Variants in ESYT2 observed in about 807,000 individuals in gnomAD.
ESYT2 encodes the protein extended synaptotagmin 2.
ESYT2 carries 54 observed loss-of-function variants against 107.2 expected under a neutral mutation model. The ratio of observed to expected loss-of-function variants is 0.50; its 90% CI spans 0.40 to 0.63. The LOEUF is 0.63. Ranked by LOEUF, ESYT2 falls within the 30% of genes least tolerant of loss-of-function variation. The pLI is 0.00. For missense variants in ESYT2, 1,020 were observed against 1,094.5 expected, an observed-to-expected ratio of 0.93 and a Z score of 0.96; for synonymous variants, 491 against 434.1, an observed-to-expected ratio of 1.13 and a Z score of -1.63.
rs141076689 is a variant in ESYT2 at position 158,749,689 on chromosome 7, A to G, written c.1517T>C (p.Val506Ala). The change falls in exon 15 of 23, where the codon GTT (valine) becomes GCT (alanine). Residue 506 changes from valine (V) to alanine (A), a missense_variant. By Grantham distance (64) the Val-to-Ala change is moderately conservative. Coordinates refer to ENST00000275418, the MANE Select transcript of ESYT2 (RefSeq NM_001367773.1). Reference sequence around the variant, plus strand: ...CTTGTGCCCAACTGACATCTGGACAACAGGATTTGGGTTGCTGCTTATTTT... The same window carrying G: ...CTTGTGCCCAACTGACATCTGGACAGCAGGATTTGGGTTGCTGCTTATTTT... Reference protein sequence around the residue: ...GKKISSNPNPVVQMSVGHKAQ... With the variant: ...GKKISSNPNPAVQMSVGHKAQ... The G allele has an allele frequency of 4.3e-6, 7 of 1,614,000 alleles. No homozygotes were observed. The highest frequency in any genetic ancestry group is 5.9e-6 in the Non-Finnish European group (7 of 1,180,008).
At position 158,772,995 on chromosome 7, in the gene ESYT2, A is replaced by T. The variant is rs145807899; in HGVS notation, c.803+346T>A. Among the ~76,000 whole-genome samples the T allele has an allele frequency of 7.9e-3, 1,154 of 145,386 alleles. 18 individuals are homozygous for T. Among genetic ancestry groups the T allele is most frequent in the African/African-American group, 0.029 (1,088 of 37,666 alleles). ...TTCCTTTATTGTTTCTGAGAAGATT[A>T]AAAAAAAAAATTTGCAAACTGTTTT... is the stretch of plus-strand genomic sequence containing the variant. On this transcript the variant is annotated intron_variant, in intron 7 of 22. Transcript: ENST00000275418.
intron 10 of ESYT2, among the ~76,000 whole-genome samples, chr7:158,762,071 C>A (rs899075070): frequency 6.6e-6 from 1 of 152,042 alleles, no homozygotes; most frequent in East Asian, 1.9e-4. Flanking sequence ...GCCCGATGGA[C>A]GCCCTCACTC....
chr7:158,742,515 A>G (rs529468976), intron 17 of ESYT2, among the ~76,000 whole-genome samples: 1 of 152,348 alleles, frequency 6.6e-6, no homozygotes, highest in East Asian at 1.9e-4. Context: ...CGTATTCTAC[A>G]TAAGGGGTTT....
intron 1 of ESYT2, among the ~76,000 whole-genome samples, chr7:158,820,630 T>G (rs1300740098): frequency 6.6e-6 from 1 of 152,000 alleles, no homozygotes; most frequent in African/African-American, 2.4e-5. Flanking sequence ...ACAAAAAATT[T>G]TAAAAATTAG....
chr7:158,816,703 C>G (rs1840156593), intron 1 of ESYT2, among the ~76,000 whole-genome samples: 2 of 152,242 alleles, frequency 1.3e-5, no homozygotes, highest in African/African-American at 4.8e-5. Flanking sequence ...TGCTCCAGTA[C>G]TCACGTTGAC....
chr7:158,776,497 A>G (rs578177845), intron 6 of ESYT2, among the ~76,000 whole-genome samples: 1 of 152,324 alleles, frequency 6.6e-6, no homozygotes, highest in African/African-American at 2.4e-5. Context: ...TGTTATGGAG[A>G]TGGCTTCTTT....
Position 158,764,752 on chromosome 7 carries a change from A to T in ESYT2, c.1026T>A (p.Ile342=). The change falls in exon 9 of 23, where the codon ATT becomes ATA. Residue 342 remains isoleucine, a synonymous_variant. Transcript: ENST00000275418. ...TTTGGAAGATTTGGTTGCCAACTCT[A>T]ATGATTCCATAGGGGTCTGACTTTC... ...VKGKSDPYGI[I]RVGNQIFQSR... is the part of the protein sequence containing the mutation. The T allele has an allele frequency of 6.2e-7, 1 of 1,614,182 alleles. No individual in the cohort carries two copies. The highest frequency in any genetic ancestry group is 8.5e-7 in the Non-Finnish European group (1 of 1,180,034).
rs748806082 is a variant in ESYT2 at position 158,741,655 on chromosome 7, C to G, written c.2036G>C (p.Gly679Ala). The G allele has an allele frequency of 1.2e-6, 2 of 1,613,748 alleles. No homozygotes were observed. The highest frequency in any genetic ancestry group is 2.7e-5 in the African/African-American group (2 of 74,898). Residue 679 changes from glycine (G) to alanine (A), a missense_variant, in exon 18 of 23, where the codon GGC (glycine) becomes GCC (alanine). Physicochemically the swap from Gly to Ala is moderately conservative, Grantham distance 60. Transcript: ENST00000275418. ...EAGPQGLHDL[G>A]RSSSSLLASP... is the part of the protein sequence containing the mutation. ...GGCCAGGAGGCTGGAGGAGCTTCTGCCCAGGTCGTGCAGCCCCTGAGGGCC... is the reference window on the plus strand; with the variant it reads ...GGCCAGGAGGCTGGAGGAGCTTCTGGCCAGGTCGTGCAGCCCCTGAGGGCC...
intron 15 of ESYT2, among the ~76,000 whole-genome samples, chr7:158,748,508 T>C (rs1007376365): frequency 6.6e-6 from 1 of 152,190 alleles, no homozygotes; most frequent in Non-Finnish European, 1.5e-5. Flanking sequence ...CTAAAGCCTT[T>C]AGAGTTTGTC....
chr7:158,825,294 AAAAT>A (rs1214964888), intron 1 of ESYT2, among the ~76,000 whole-genome samples: 1 of 152,206 alleles, frequency 6.6e-6, no homozygotes, highest in South Asian at 2.1e-4. Context: ...CTCCGTCTCA[AAAAT>A]AAATAAATAA....
At chr7:158,782,380 A>G (rs1457590401) in intron 6 of ESYT2, among the ~76,000 whole-genome samples, 45 of 19,534 alleles carry the variant, frequency 2.3e-3, no homozygotes, top group Middle Eastern at 0.056. Context: ...GTGAGAACAA[A>G]GTGAGGTAAG....
Position 158,763,083 on chromosome 7 carries a change from C to T in ESYT2, c.1184G>A (p.Ser395Asn). Reference sequence around the variant, plus strand: ...AATAACCACAATGGGCTTTATTTACCTTCCTAAAAAGTCATCCTTGTCTGG... The same window carrying T: ...AATAACCACAATGGGCTTTATTTACTTTCCTAAAAAGTCATCCTTGTCTGG... ...EDPDKDDFLG[S>N]LMIDLIEVEK... The change falls in exon 10 of 23, where the codon AGT becomes AAT. Residue 395 changes from serine (S) to asparagine (N), a missense_variant and splice_region_variant. Transcript: ENST00000275418. 6.2e-7 allele frequency: 1 copy of T among 1,611,660 alleles called. No individual in the cohort carries two copies. Among genetic ancestry groups the T allele is most frequent in the Non-Finnish European group, 8.5e-7 (1 of 1,178,474 alleles).
At chr7:158,801,309 G>A (rs976351441) in intron 1 of ESYT2, among the ~76,000 whole-genome samples, 3 of 152,188 alleles carry the variant, frequency 2.0e-5, no homozygotes, top group Non-Finnish European at 4.4e-5. Context: ...AAATCGAGCC[G>A]TCTCTTAGTA....
intron 19 of ESYT2, 82 bp downstream of exon 19, chr7:158,738,941 C>A (rs1490232013): frequency 7.5e-7 from 1 of 1,332,228 alleles, no homozygotes; most frequent in East Asian, 2.3e-5. Context: ...GTTTGGAAAT[C>A]CTAAAGGCGG....
At chr7:158,769,345 C>G (rs953035487) in intron 7 of ESYT2, among the ~76,000 whole-genome samples, 2 of 152,212 alleles carry the variant, frequency 1.3e-5, no homozygotes, top group Non-Finnish European at 2.9e-5. Flanking sequence ...CACGCAGAGG[C>G]AGGACCCACC....
chr7:158,764,730 G>C lies in ESYT2; in HGVS notation c.1048C>G (p.Gln350Glu). 1 of 1,614,122 alleles carries C rather than the reference G, an allele frequency of 6.2e-7. No individual in the cohort carries two copies. Among genetic ancestry groups the C allele is most frequent in the South Asian group, 1.1e-5 (1 of 91,072 alleles). ...GIIRVGNQIF[Q>E]SRVIKENLSP... ...AGGTTCTCCTTGATGACTCTGCTTT[G>C]GAAGATTTGGTTGCCAACTCTAATG... is the stretch of plus-strand genomic sequence containing the variant. Residue 350 changes from glutamine to glutamate, a missense_variant, in exon 9 of 23, where the codon CAA (glutamine) becomes GAA (glutamate). By Grantham distance (29) the Gln-to-Glu change is conservative. Coordinates refer to ENST00000275418, the MANE Select transcript of ESYT2 (RefSeq NM_001367773.1).
Position 158,743,567 on chromosome 7 carries a change from C to T in ESYT2, c.1756G>A (p.Gly586Ser). ...TTCATCTTGATGGTGCTGTTTGGAC[C>T]CGAGTTACTGAGCTGGAAGCGCTGG... Reference protein sequence around the residue: ...VSQRFQLSNSGPNSTIKMKIA... With the variant: ...VSQRFQLSNSSPNSTIKMKIA... Residue 586 changes from glycine to serine, a missense_variant, in exon 17 of 23, where the codon GGT (glycine) becomes AGT (serine). Physicochemically the swap from Gly to Ser is moderately conservative, Grantham distance 56. Transcript: ENST00000275418. The T allele has an allele frequency of 6.2e-7, 1 of 1,613,040 alleles. No homozygotes were observed. Among genetic ancestry groups the T allele is most frequent in the South Asian group, 1.1e-5 (1 of 90,942 alleles).
intron 1 of ESYT2, among the ~76,000 whole-genome samples, chr7:158,823,330 ATT>A (rs1161962894): frequency 1.0e-5 from 1 of 99,288 alleles, no homozygotes; most frequent in Non-Finnish European, 2.1e-5. Flanking sequence ...AAGACATTGG[ATT>A]TTTTTTTTTT....
At position 158,735,650 on chromosome 7, in the gene ESYT2, C is replaced by T. The variant is rs375265292; in HGVS notation, c.2400-42G>A. The stretch of plus-strand genomic sequence containing the variant: ...GAGCCTTACTTTATCCATCATTCTG[C>T]TGTATTTTCTTATAACTAAAAATGG... On this transcript the variant is annotated intron_variant, in intron 20 of 22. Transcript: ENST00000275418. 3.3e-6 allele frequency: 5 copies of T among 1,525,478 alleles called. No homozygotes were observed. The African/African-American group carries it at 6.9e-5, about 21-fold the overall frequency. The allele number at this position is 1,525,478 out of a possible 1,614,324, so 94.5% of individuals were successfully genotyped here. A position where few individuals can be genotyped will look rare whatever the true frequency, so the allele number is the denominator to read the frequency against.
Sources: gnomAD v4.1 joint callset for allele counts (sites outside exome capture counted in the v4.1 genomes callset) on GRCh38, gnomAD v4.1.1 for gene constraint, MANE v1.5 for transcripts, NCBI Gene and HGNC (gene_info 2026-07-23, HGNC 2026-07-21) for gene names.